Variants in NEBL observed in about 807,000 individuals in gnomAD.
NEBL encodes LIM and SH3 protein 2.
NEBL carries 122 observed loss-of-function variants against 140.2 expected under a neutral mutation model. The ratio of observed to expected loss-of-function variants is 0.87; its 90% CI spans 0.75 to 1.01. The LOEUF (loss-of-function observed/expected upper bound fraction) is 1.01. Among genes scored for constraint, NEBL ranks in the 50% least tolerant of loss-of-function variants. The pLI is 0.00. For missense variants in NEBL, 1,365 were observed against 1,231.3 expected (o/e 1.11, Z -1.62); for synonymous variants, 436 against 398.9 (o/e 1.09, Z -1.11).
chr10:20,800,971 G>T (rs779277815), intron 26 of NEBL, among the ~76,000 whole-genome samples: 2 of 152,084 alleles, frequency 1.3e-5, no homozygotes, highest in Non-Finnish European at 2.9e-5. Flanking sequence ...AAGTGTGCTG[G>T]GACCATGTTC....
At chr10:21,082,534 C>CCAAAAAAAAAAAAAAAAAAAAAAAA (rs1360732942) in intron 2 of NEBL, among the ~76,000 whole-genome samples, 1 of 43,348 alleles carries the variant, frequency 2.3e-5, no homozygotes, top group African/African-American at 1.5e-4. Context: ...CCCACCACCA[C>CCAAAAAAAAAAAAAAAAAAAAAAAA]TAAAAAAAAA....
At chr10:20,830,117 C>T (rs547703564) in intron 16 of NEBL, among the ~76,000 whole-genome samples, 117 of 152,306 alleles carry the variant, frequency 7.7e-4, no homozygotes, top group African/African-American at 2.6e-3. Context: ...GTGTCGGCTG[C>T]GGAGGCTGAG....
chr10:21,055,339 A>G (rs1834964925), intron 2 of NEBL, among the ~76,000 whole-genome samples: 1 of 152,228 alleles, frequency 6.6e-6, no homozygotes, highest in East Asian at 1.9e-4. Context: ...TCAGCTAACA[A>G]GAAATTTCTA....
At chr10:21,248,140 G>T in intron 2 of NEBL, 1 of 202,226 alleles carries the variant, frequency 4.9e-6, no homozygotes. Context: ...GTGCAATCAT[G>T]GCTCGCTGCC....
At chr10:21,146,390 T>C in intron 2 of NEBL, 1 of 1,609,986 alleles carries the variant, frequency 6.2e-7, no homozygotes. Flanking sequence ...AAAAAATGAC[T>C]GGTTGATTAG....
At chr10:21,151,978 T>C (rs1840157585) in intron 2 of NEBL, among the ~76,000 whole-genome samples, 1 of 152,200 alleles carries the variant, frequency 6.6e-6, no homozygotes, top group Non-Finnish European at 1.5e-5. Flanking sequence ...TCTACTTTGC[T>C]CACTGCCACA....
chr10:20,923,854 A>G (rs1833732349), intron 4 of NEBL, among the ~76,000 whole-genome samples: 1 of 151,870 alleles, frequency 6.6e-6, no homozygotes, highest in South Asian at 2.1e-4. Context: ...AGCTCCTCAT[A>G]TCTAGGAACC....
Position 20,869,892 on chromosome 10 carries a change from T to C in NEBL, c.481-51A>G, listed in dbSNP as rs1412710593. Reference sequence around the variant, plus strand: ...AAATAAATAAATTAGTAATTTCACATAGCTACTAGTCTTAGTGTTCATAAC... The same window carrying C: ...AAATAAATAAATTAGTAATTTCACACAGCTACTAGTCTTAGTGTTCATAAC... On this transcript the variant is annotated intron_variant, in intron 5 of 27. Transcript: ENST00000377122. 7.3e-6 allele frequency: 8 copies of C among 1,098,056 alleles called. 1 individual carries two copies. In the East Asian group the frequency reaches 1.7e-4, roughly 23 times the overall value. The allele number at this position is 1,098,056 out of a possible 1,614,324, so 68.0% of individuals were successfully genotyped here.
At chr10:21,086,494 C>T (rs1247720236) in intron 2 of NEBL, among the ~76,000 whole-genome samples, 1 of 152,142 alleles carries the variant, frequency 6.6e-6, no homozygotes, top group Non-Finnish European at 1.5e-5. Flanking sequence ...AAATCAGTGT[C>T]TAGTCGGGCA....
intron 4 of NEBL, among the ~76,000 whole-genome samples, chr10:20,922,155 G>A (rs768214893): frequency 6.6e-6 from 1 of 152,202 alleles, no homozygotes; most frequent in Non-Finnish European, 1.5e-5. Flanking sequence ...AAGCACATGC[G>A]CTGGAGAGCA....
rs560785279 is a variant in NEBL at position 20,850,315 on chromosome 10, C to T, written c.1116+80G>A. ...CACAGCAGCACTCTTCCTTCCAGAC[C>T]CACTGAACATTCTGCGTCCTTTCAA... On this transcript the variant is annotated intron_variant, in intron 11 of 27. Coordinates refer to ENST00000377122, the MANE Select transcript of NEBL (RefSeq NM_006393.3). The T allele has an allele frequency of 1.6e-5, 18 of 1,140,972 alleles. No individual in the cohort carries two copies. The East Asian group carries it at 3.5e-4, about 22-fold the overall frequency. 70.7% of individuals were successfully genotyped at this position (1,140,972 alleles called of 1,614,324 possible). A position where few individuals can be genotyped will look rare whatever the true frequency, so the allele number is the denominator to read the frequency against.
At chr10:21,194,617 G>A (rs1841621319) in intron 3 of NEBL, among the ~76,000 whole-genome samples, 1 of 152,128 alleles carries the variant, frequency 6.6e-6, no homozygotes, top group African/African-American at 2.4e-5. Flanking sequence ...CACTATATGG[G>A]CCAGCAGCTG....
intron 27 of NEBL, among the ~76,000 whole-genome samples, chr10:20,786,732 A>T (rs1228973904): frequency 6.6e-6 from 1 of 152,214 alleles, no homozygotes; most frequent in Non-Finnish European, 1.5e-5. Context: ...ATAACTAGCA[A>T]ATGTTGAACA....
At chr10:21,106,305 T>A (rs988468050) in intron 2 of NEBL, among the ~76,000 whole-genome samples, 2 of 152,186 alleles carry the variant, frequency 1.3e-5, no homozygotes, top group Non-Finnish European at 2.9e-5. Context: ...TCTTCTAGGA[T>A]TTTTATGGTT....
At chr10:21,188,089 C>CT (rs1350426059) in intron 3 of NEBL, among the ~76,000 whole-genome samples, 1 of 152,190 alleles carries the variant, frequency 6.6e-6, no homozygotes, top group African/African-American at 2.4e-5. Flanking sequence ...TGTTTATGGG[C>CT]TTCTGCTCCA....
At chr10:20,825,933 A>G (rs16921130) in intron 18 of NEBL, among the ~76,000 whole-genome samples, 3,950 of 152,302 alleles carry the variant, frequency 0.026, 116 homozygotes, top group East Asian at 0.085. Flanking sequence ...AAGGTAAAAC[A>G]GGCTGGAAAG....
In NEBL at chr10:21,047,176, A is replaced by C. The variant is rs191574106; in HGVS notation, c.165-26975T>G. On this transcript the variant is annotated intron_variant, in intron 2 of 6. Transcript: ENST00000417816. ...TGGGAGAAAAGCAGATCATCTATTT[A>C]GTCACTTTTACTCAATCAGCTTGTT... Among the ~76,000 whole-genome samples, 7 of 152,354 alleles carry C rather than the reference A, an allele frequency of 4.6e-5. No individual in the cohort carries two copies. In the East Asian group the frequency reaches 1.3e-3, roughly 29 times the overall value.
chr10:21,038,875 T>C (rs1012860383), intron 2 of NEBL, among the ~76,000 whole-genome samples: 1 of 152,156 alleles, frequency 6.6e-6, no homozygotes, highest in Non-Finnish European at 1.5e-5. Flanking sequence ...CAGCATCTGT[T>C]GTTTCCAGAC....
chr10:21,093,150 C>CTTTT lies in NEBL; in HGVS notation c.165-72953_165-72950dup, dbSNP rs4025884. ...TACTTTTATTCATTTAGCAACAAGT[C>CTTTT]TTTTTTTTTTTTTTTCCATTTTAGC... On this transcript the variant is annotated intron_variant, in intron 2 of 6. Transcript: ENST00000417816. 8.4e-5 allele frequency among the ~76,000 whole-genome samples: 8 copies of CTTTT among 95,038 alleles called. 2 individuals carry two copies. The highest frequency in any genetic ancestry group is 2.5e-4 in the East Asian group (1 of 3,934). The allele number at this position is 95,038 out of a possible 152,430, so 62.3% of individuals were successfully genotyped here.
Sources: gnomAD v4.1 joint callset for allele counts (sites outside exome capture counted in the v4.1 genomes callset) on GRCh38, gnomAD v4.1.1 for gene constraint, MANE v1.5 for transcripts, NCBI Gene and HGNC (gene_info 2026-07-23, HGNC 2026-07-21) for gene names.